FGL2: variants seen among roughly 807,000 people sequenced by gnomAD.
FGL2 encodes the protein fibroleukin.
A neutral mutation model predicts 36.0 loss-of-function variants in FGL2; 21 were observed. That is an observed-to-expected ratio of 0.58 (90% confidence interval 0.41 to 0.84). The LOEUF (loss-of-function observed/expected upper bound fraction) is 0.84. FGL2 is among the 40% of genes least tolerant of loss of function. The pLI is 0.00. For synonymous variants in FGL2, 183 were observed against 190.7 expected, an observed-to-expected ratio of 0.96 and a Z score of 0.33; for missense variants, 444 against 526.3, an observed-to-expected ratio of 0.84 and a Z score of 1.53.
chr7:77,199,779 G>C lies in FGL2; in HGVS notation c.15C>G (p.Asn5Lys). Residue 5 changes from asparagine to lysine, a missense_variant, in exon 1 of 2, where the codon AAC (asparagine) becomes AAG (lysine). Asn to Lys is a moderately conservative substitution (Grantham distance 94). Coordinates refer to ENST00000248598, the MANE Select transcript of FGL2 (RefSeq NM_006682.3). ...GAACAGCTGAGCTCAGCCAGTACCA[G>C]TTAGCCAGCTTCATCTTTACAGTGC... is the stretch of plus-strand genomic sequence containing the variant. Reference protein sequence around the residue: MKLANWYWLSSAVLA... With the variant: MKLAKWYWLSSAVLA... 1 of 1,613,882 alleles carries C rather than the reference G, an allele frequency of 6.2e-7. No homozygotes were observed. Among genetic ancestry groups the C allele is most frequent in the Non-Finnish European group, 8.5e-7 (1 of 1,179,884 alleles).
At chr7:77,197,848 G>C (rs1263140374) in intron 1 of FGL2, among the ~76,000 whole-genome samples, 1 of 152,116 alleles carries the variant, frequency 6.6e-6, no homozygotes, top group Non-Finnish European at 1.5e-5. Flanking sequence ...AACAACAGGT[G>C]ACTATATTGA....
rs1791811095 is a variant in FGL2, at chr7:77,193,663, G to A, written c.*2616C>T. The A allele has an allele frequency of 6.6e-6, 1 of 152,072 alleles. No homozygotes were observed. Among genetic ancestry groups the A allele is most frequent in the African/African-American group, 2.4e-5 (1 of 41,406 alleles). 9.4% of individuals were successfully genotyped at this position (152,072 alleles called of 1,614,324 possible). A position where few individuals can be genotyped will look rare whatever the true frequency, so the allele number is the denominator to read the frequency against. On this transcript the variant is annotated 3_prime_UTR_variant, in exon 2 of 2. Coordinates refer to ENST00000248598, the MANE Select transcript of FGL2 (RefSeq NM_006682.3). ...CAGATGTGTCATTAATTCATTTGGAGCATTACTATTATCAGTAAAATTTGA... is the reference window on the plus strand; with the variant it reads ...CAGATGTGTCATTAATTCATTTGGAACATTACTATTATCAGTAAAATTTGA...
rs150827490 is a variant in FGL2 at position 77,195,857 on chromosome 7, T to G, written c.*422A>C. The G allele has an allele frequency of 3.1e-5, 5 of 160,482 alleles. No individual in the cohort carries two copies. Among genetic ancestry groups the G allele is most frequent in the African/African-American group, 7.2e-5 (3 of 41,650 alleles). The allele number at this position is 160,482 out of a possible 1,614,324, so 9.9% of individuals were successfully genotyped here. A position where few individuals can be genotyped will look rare whatever the true frequency, so the allele number is the denominator to read the frequency against. ...TTTTTAATAGAGACAGCGTTTCACA[T>G]GTTTGGCCAGGCTGGTCTCAAACTC... is the stretch of plus-strand genomic sequence containing the variant. On this transcript the variant is annotated 3_prime_UTR_variant, in exon 2 of 2. Transcript: ENST00000248598.
In FGL2 at chr7:77,199,384, A is replaced by T; in HGVS notation, c.410T>A (p.Val137Asp). 1 of 1,613,920 alleles carries T rather than the reference A, an allele frequency of 6.2e-7. No homozygotes were observed. The highest frequency in any genetic ancestry group is 8.5e-7 in the Non-Finnish European group (1 of 1,179,886). Reference sequence around the variant, plus strand: ...CTTTAGCTCAGAGGACAGCTTGTTAACCTCACTCTCTAATTCTCTAACTCT... The same window carrying T: ...CTTTAGCTCAGAGGACAGCTTGTTATCCTCACTCTCTAATTCTCTAACTCT... ...DNRVRELESE[V>D]NKLSSELKNA... Residue 137 changes from valine (V) to aspartate (D), a missense_variant, in exon 1 of 2, where the codon GTT becomes GAT. Coordinates refer to ENST00000248598, the MANE Select transcript of FGL2 (RefSeq NM_006682.3).
intron 1 of FGL2, chr7:77,198,406 G>A (rs1791916208): frequency 1.4e-6 from 1 of 694,386 alleles, no homozygotes; most frequent in African/African-American, 1.9e-5. Flanking sequence ...AAAAGCCAAG[G>A]TTTGGAGAGT....
Position 77,196,072 on chromosome 7 carries a change from G to A in FGL2, c.*207C>T, listed in dbSNP as rs1791862825. The A allele has an allele frequency of 9.8e-6, 5 of 509,972 alleles. No individual in the cohort carries two copies. The highest frequency in any genetic ancestry group is 7.6e-5 in the African/African-American group (4 of 52,406). The allele number at this position is 509,972 out of a possible 1,614,324, so 31.6% of individuals were successfully genotyped here. Reference sequence around the variant, plus strand: ...TCAATATTGCTAATTGCTTGCAAGTGTTCATTGGATAACAGCATAACAACA... The same window carrying A: ...TCAATATTGCTAATTGCTTGCAAGTATTCATTGGATAACAGCATAACAACA... On this transcript the variant is annotated 3_prime_UTR_variant, in exon 2 of 2. Coordinates refer to ENST00000248598, the MANE Select transcript of FGL2 (RefSeq NM_006682.3). The surrounding 1 kb of genome is among the most constrained non-coding windows in gnomAD (Gnocchi z 4.2).
intron 1 of FGL2, among the ~76,000 whole-genome samples, chr7:77,197,441 A>G (rs1286267677): frequency 6.6e-6 from 1 of 152,226 alleles, no homozygotes; most frequent in Non-Finnish European, 1.5e-5. Flanking sequence ...CTGAGCTTTA[A>G]GTGGCAGAGC....
At position 77,193,696 on chromosome 7, in the gene FGL2, T is replaced by C. The variant is rs528293669; in HGVS notation, c.*2583A>G. Reference sequence around the variant, plus strand: ...ATTATCAGTAAAATTTGATTTTTTTTTCCCCTCAGTCATAGGTAAATCAGC... The same window carrying C: ...ATTATCAGTAAAATTTGATTTTTTTCTCCCCTCAGTCATAGGTAAATCAGC... On this transcript the variant is annotated 3_prime_UTR_variant, in exon 2 of 2. Transcript: ENST00000248598. 1 of 152,262 alleles carries C rather than the reference T, an allele frequency of 6.6e-6. No homozygotes were observed. Among genetic ancestry groups the C allele is most frequent in the Admixed American group, 6.5e-5 (1 of 15,296 alleles). 9.4% of individuals were successfully genotyped at this position (152,262 alleles called of 1,614,324 possible). A position where few individuals can be genotyped will look rare whatever the true frequency, so the allele number is the denominator to read the frequency against.
rs749954047 is a variant in FGL2, at chr7:77,199,281, ATTTTC to A, written c.508_512del (p.Glu170LeufsTer3). On this transcript the variant is annotated frameshift_variant, in exon 1 of 2. Transcript: ENST00000248598. LOFTEE classifies it high-confidence loss of function. ...GATTTGCCACTTTGCTGTCAACATAATTTTCTATGTTGTTCATATTTACAAGATTC... is the reference window on the plus strand; with the variant it reads ...GATTTGCCACTTTGCTGTCAACATAATATGTTGTTCATATTTACAAGATTC... The A allele has an allele frequency of 8.7e-6, 14 of 1,613,982 alleles. No individual in the cohort carries two copies. Among genetic ancestry groups the A allele is most frequent in the South Asian group, 5.5e-5 (5 of 91,076 alleles).
At position 77,199,591 on chromosome 7, in the gene FGL2, AG is replaced by A; in HGVS notation, c.202del (p.Leu68SerfsTer22). Reference sequence around the variant, plus strand: ...CTCGATCCTGCTGAATTGCTTCGGGAGCTGAATAGTCAAGGGGGGCAGGCTT... The same window carrying A: ...CTCGATCCTGCTGAATTGCTTCGGGACTGAATAGTCAAGGGGGGCAGGCTT... ...QVSLPPLTIQ[L>X]PKQFSRIEEV... On this transcript the variant is annotated frameshift_variant, in exon 1 of 2. Transcript: ENST00000248598. LOFTEE classifies it high-confidence loss of function. 6.2e-7 allele frequency: 1 copy of A among 1,614,130 alleles called. No individual in the cohort carries two copies. The highest frequency in any genetic ancestry group is 8.5e-7 in the Non-Finnish European group (1 of 1,179,994).
Position 77,199,547 on chromosome 7 carries a change from G to C in FGL2, c.247C>G (p.Gln83Glu), listed in dbSNP as rs1791944212. 6.2e-7 allele frequency: 1 copy of C among 1,614,062 alleles called. No individual in the cohort carries two copies. The highest frequency in any genetic ancestry group is 1.3e-5 in the African/African-American group (1 of 75,008). Residue 83 changes from glutamine to glutamate, a missense_variant, in exon 1 of 2, where the codon CAA (glutamine) becomes GAA (glutamate). Gln to Glu is a conservative substitution (Grantham distance 29). Coordinates refer to ENST00000248598, the MANE Select transcript of FGL2 (RefSeq NM_006682.3). ...CTATTTACGATTTCCTTGAGGTTTT[G>C]GACTTCTTTGAACACCTCCTCGATC... is the stretch of plus-strand genomic sequence containing the variant. ...SRIEEVFKEV[Q>E]NLKEIVNSLK...
In FGL2 at chr7:77,195,142, T is replaced by G. The variant is rs1211185665; in HGVS notation, c.*1137A>C. 1 of 152,032 alleles carries G rather than the reference T, an allele frequency of 6.6e-6. No individual in the cohort carries two copies. Among genetic ancestry groups the G allele is most frequent in the Non-Finnish European group, 1.5e-5 (1 of 67,996 alleles). 9.4% of individuals were successfully genotyped at this position (152,032 alleles called of 1,614,324 possible). On this transcript the variant is annotated 3_prime_UTR_variant, in exon 2 of 2. Coordinates refer to ENST00000248598, the MANE Select transcript of FGL2 (RefSeq NM_006682.3). ...AGTATGATAGCCTGTAAGTAAATGCTTCATTACCCACATATCCCTACCCAC... is the reference window on the plus strand; with the variant it reads ...AGTATGATAGCCTGTAAGTAAATGCGTCATTACCCACATATCCCTACCCAC...
Position 77,199,431 on chromosome 7 carries a change from G to A in FGL2, c.363C>T (p.Ala121=), listed in dbSNP as rs780318811. ...RNGLLLPSTG[A]PGEVGDNRVR... ...CTCTGTTATCACCAACCTCTCCCGG[G>A]GCTCCTGTACTGGGTAACAACAGTC... The change falls in exon 1 of 2, where the codon GCC becomes GCT. Residue 121 remains alanine (A), a synonymous_variant. Coordinates refer to ENST00000248598, the MANE Select transcript of FGL2 (RefSeq NM_006682.3). 3 of 1,614,014 alleles carry A rather than the reference G, an allele frequency of 1.9e-6. No homozygotes were observed. Among genetic ancestry groups the A allele is most frequent in the Non-Finnish European group, 2.5e-6 (3 of 1,180,008 alleles).
At position 77,196,636 on chromosome 7, in the gene FGL2, C is replaced by A. The variant is rs150013489; in HGVS notation, c.963G>T (p.Val321=). 454 of 1,613,994 alleles carry A rather than the reference C, an allele frequency of 2.8e-4. No individual in the cohort carries two copies. In the East Asian group the frequency reaches 9.0e-3, roughly 32 times the overall value. ...AACGATATTTGAGAAACTCATTAGC[C>A]ACATAAAACTGATCATACAAGGCAT... The part of the protein sequence containing the change: ...ELYALYDQFY[V]ANEFLKYRLH... The change falls in exon 2 of 2, where the codon GTG becomes GTT. Residue 321 remains valine, a synonymous_variant. Transcript: ENST00000248598. This position sits in a 1 kb window ranked among gnomAD's most constrained non-coding sequence, Gnocchi z 4.2.
chr7:77,196,894 A>G lies in FGL2; in HGVS notation c.705T>C (p.Asn235=). 6.2e-7 allele frequency: 1 copy of G among 1,613,730 alleles called. No homozygotes were observed. Among genetic ancestry groups the G allele is most frequent in the Non-Finnish European group, 8.5e-7 (1 of 1,179,912 alleles). The change falls in exon 2 of 2, where the codon AAT becomes AAC. Residue 235 remains asparagine, a synonymous_variant. Transcript: ENST00000248598. The surrounding 1 kb of genome is among the most constrained non-coding windows in gnomAD (Gnocchi z 4.2). ...TGTCACAGTAAACTTCAAAGCTACT[A>G]TTTTTGGGATCAGGTGTAACTCTGT... ...ETYRVTPDPK[N]SSFEVYCDME...
At position 77,196,528 on chromosome 7, in the gene FGL2, G is replaced by A. The variant is rs915669291; in HGVS notation, c.1071C>T (p.Thr357=). 1 of 1,613,994 alleles carries A rather than the reference G, an allele frequency of 6.2e-7. No homozygotes were observed. Among genetic ancestry groups the A allele is most frequent in the Admixed American group, 1.7e-5 (1 of 60,018 alleles). The part of the protein sequence containing the change: ...KHYNHDLKFF[T]TPDKDNDRYP... ...ATCGATCATTGTCTTTATCTGGAGT[G>A]GTGAAAAACTTCAGATCGTGGTTGT... Residue 357 remains threonine, a synonymous_variant, in exon 2 of 2, where the codon ACC becomes ACT. Transcript: ENST00000248598. The surrounding 1 kb of genome is among the most constrained non-coding windows in gnomAD (Gnocchi z 4.2).
intron 1 of FGL2, chr7:77,198,544 A>C (rs1791919438): frequency 6.5e-6 from 1 of 152,942 alleles, no homozygotes; most frequent in Non-Finnish European, 1.5e-5. Context: ...CTTGAATTCT[A>C]ACTTCAGGTA....
Position 77,193,752 on chromosome 7 carries a change from A to G in FGL2, c.*2527T>C, listed in dbSNP as rs1227203684. 6.6e-6 allele frequency: 1 copy of G among 152,302 alleles called. No individual in the cohort carries two copies. Among genetic ancestry groups the G allele is most frequent in the Admixed American group, 6.5e-5 (1 of 15,278 alleles). 9.4% of individuals were successfully genotyped at this position (152,302 alleles called of 1,614,324 possible). ...CTGGAATTTCTAAGGACCCAGTTTT[A>G]GTCAATATTTTCAAGTAATCATGAC... On this transcript the variant is annotated 3_prime_UTR_variant, in exon 2 of 2. Coordinates refer to ENST00000248598, the MANE Select transcript of FGL2 (RefSeq NM_006682.3).
Position 77,196,858 on chromosome 7 carries a change from C to T in FGL2, c.741G>A (p.Met247Ile), listed in dbSNP as rs548765525. 1.4e-5 allele frequency: 22 copies of T among 1,613,928 alleles called. No individual in the cohort carries two copies. The highest frequency in any genetic ancestry group is 1.8e-5 in the Non-Finnish European group (21 of 1,179,998). The change falls in exon 2 of 2, where the codon ATG (methionine) becomes ATA (isoleucine). Residue 247 changes from methionine (M) to isoleucine (I), a missense_variant. Transcript: ENST00000248598. The surrounding 1 kb of genome is among the most constrained non-coding windows in gnomAD (Gnocchi z 4.2). Reference protein sequence around the residue: ...SFEVYCDMETMGGGWTVLQAR... With the variant: ...SFEVYCDMETIGGGWTVLQAR... ...CCTGCAGCACTGTCCAGCCTCCCCC[C>T]ATGGTCTCCATGTCACAGTAAACTT...
Sources: gnomAD v4.1 joint callset for allele counts (sites outside exome capture counted in the v4.1 genomes callset) on GRCh38, gnomAD v4.1.1 for gene constraint, Gnocchi (gnomAD v3.1) non-coding constraint, MANE v1.5 for transcripts, NCBI Gene and HGNC (gene_info 2026-07-23, HGNC 2026-07-21) for gene names.